Variants in NPHP4 observed in about 807,000 individuals in gnomAD.
NPHP4 encodes the protein nephrocystin-4.
Under a neutral mutation model 155.8 loss-of-function variants are expected in NPHP4, and 151 were observed. The ratio of observed to expected loss-of-function variants is 0.97; its 90% CI spans 0.85 to 1.11. The LOEUF (loss-of-function observed/expected upper bound fraction) is 1.11, where lower values mean the gene tolerates loss of function less well. Among genes scored for constraint, NPHP4 ranks in the 50% least tolerant of loss-of-function variants. The probability of loss-of-function intolerance (pLI) is 0.00; values close to 1 mark genes in which losing one functional copy is unlikely to be tolerated. For missense variants in NPHP4, 1,956 were observed against 1,925.7 expected (o/e 1.02, Z -0.29); for synonymous variants, 845 against 816.8 (o/e 1.03, Z -0.59).
rs1447107667 is a variant in NPHP4 at position 5,899,027 on chromosome 1, TCAC to T, written c.2143+5587_2143+5589del. Among the ~76,000 whole-genome samples the T allele has an allele frequency of 6.6e-5, 10 of 152,208 alleles. No individual in the cohort carries two copies. The South Asian group carries it at 1.7e-3, about 25-fold the overall frequency. ...TCAAAGAAACAAAGAAAACCAGCGA[TCAC>T]CACGTGACTGGCGAGGACATGGCGC... On this transcript the variant is annotated intron_variant, in intron 16 of 29. Coordinates refer to ENST00000378156, the MANE Select transcript of NPHP4 (RefSeq NM_015102.5).
intron 23 of NPHP4, among the ~76,000 whole-genome samples, chr1:5,872,844 G>A (rs969257438): frequency 5.9e-5 from 9 of 152,112 alleles, no homozygotes; most frequent in East Asian, 1.9e-4. Context: ...CTTACTATAC[G>A]GCCTTCGCTT....
intron 16 of NPHP4, among the ~76,000 whole-genome samples, chr1:5,903,459 C>T (rs1644769374): frequency 1.3e-5 from 2 of 152,112 alleles, no homozygotes; most frequent in African/African-American, 2.4e-5. Context: ...CCTCGAGAGG[C>T]GGCAGTGTTT....
At position 5,944,104 on chromosome 1, in the gene NPHP4, T is replaced by C. The variant is rs992632432; in HGVS notation, c.1119+3000A>G. Among the ~76,000 whole-genome samples the C allele has an allele frequency of 6.6e-6, 1 of 152,194 alleles. No individual in the cohort carries two copies. The highest frequency in any genetic ancestry group is 2.4e-5 in the African/African-American group (1 of 41,452). ...AATAAAATGATGCCTGGAATTTGTT[T>C]CAGAATAATTCAAAACGGGTTGTGG... On this transcript the variant is annotated intron_variant, in intron 9 of 29. Transcript: ENST00000378156. This position sits in a 1 kb window ranked among gnomAD's most constrained non-coding sequence, Gnocchi z 4.3.
rs1641379922 is a variant in NPHP4 at position 5,867,614 on chromosome 1, G to C, written c.3472+126C>G. 2.1e-6 allele frequency: 2 copies of C among 941,662 alleles called. No individual in the cohort carries two copies. The highest frequency in any genetic ancestry group is 3.2e-6 in the Non-Finnish European group (2 of 631,624). 58.3% of individuals were successfully genotyped at this position (941,662 alleles called of 1,614,324 possible). A position where few individuals can be genotyped will look rare whatever the true frequency, so the allele number is the denominator to read the frequency against. On this transcript the variant is annotated intron_variant, in intron 24 of 29. Transcript: ENST00000378156. The surrounding 1 kb of genome is among the most constrained non-coding windows in gnomAD (Gnocchi z 4.1). ...AAAGGCAGGAGAGAGAATTCCCCAG[G>C]CCCCACGTGCTGCTCTGACAGCACC...
At chr1:5,947,602 C>T (rs565539157) in intron 8 of NPHP4, among the ~76,000 whole-genome samples, 2 of 152,362 alleles carry the variant, frequency 1.3e-5, no homozygotes, top group South Asian at 4.1e-4. Flanking sequence ...GCTCCTTCCT[C>T]AAGGCTGGCC....
At chr1:5,945,535 G>A (rs758045727) in intron 9 of NPHP4, among the ~76,000 whole-genome samples, 2 of 152,130 alleles carry the variant, frequency 1.3e-5, no homozygotes, top group Admixed American at 6.5e-5. Flanking sequence ...ATGGACACTG[G>A]CAAGGTCAAC....
intron 16 of NPHP4, among the ~76,000 whole-genome samples, chr1:5,896,527 T>C (rs1163844309): frequency 6.6e-6 from 1 of 152,192 alleles, no homozygotes; most frequent in East Asian, 1.9e-4. Context: ...TATACGTTGT[T>C]AGGCAAGATA....
At chr1:5,908,227 CG>C (rs1403221008) in intron 12 of NPHP4, among the ~76,000 whole-genome samples, 1 of 152,200 alleles carries the variant, frequency 6.6e-6, no homozygotes, top group Non-Finnish European at 1.5e-5. Context: ...CGTGACCACT[CG>C]GGGTCACGTG....
chr1:5,868,507 C>T (rs1641512316), intron 23 of NPHP4: 1 of 231,630 alleles, frequency 4.3e-6, no homozygotes, highest in South Asian at 6.3e-5. Context: ...ACCACAGAGA[C>T]ATGCATACTC....
At chr1:5,873,963 A>G in intron 22 of NPHP4, 1 of 208,778 alleles carries the variant, frequency 4.8e-6, no homozygotes, top group South Asian at 7.0e-5. Context: ...CTGCACACAC[A>G]CCTCACATAT....
chr1:5,880,151 G>A lies in NPHP4; in HGVS notation c.2574C>T (p.Phe858=), dbSNP rs756412252. Residue 858 remains phenylalanine, a synonymous_variant, in exon 19 of 30, where the codon TTC becomes TTT. Transcript: ENST00000378156. ...CAGTCGTGAGGAGGCTGCCTCCAGA[G>A]AAGCGGCTGGCTCCATCGTTTGAGA... is the stretch of plus-strand genomic sequence containing the variant. ...RVISNDGASR[F]SGGSLLTTGS... 3 of 1,613,694 alleles carry A rather than the reference G, an allele frequency of 1.9e-6. No homozygotes were observed. Among genetic ancestry groups the A allele is most frequent in the East Asian group, 2.2e-5 (1 of 44,860 alleles).
chr1:5,932,649 CA>C (rs1646334249), intron 10 of NPHP4, among the ~76,000 whole-genome samples: 1 of 148,144 alleles, frequency 6.8e-6, no homozygotes, highest in Non-Finnish European at 1.5e-5. Context: ...GAGAACATTT[CA>C]TTTCAGAATT....
intron 9 of NPHP4, among the ~76,000 whole-genome samples, chr1:5,942,702 T>C (rs1646888630): frequency 2.0e-5 from 3 of 150,450 alleles, no homozygotes; most frequent in South Asian, 4.2e-4. Flanking sequence ...GGAAAGGCCA[T>C]CAGGGACACA....
chr1:5,938,886 G>C (rs1350396592), intron 9 of NPHP4, among the ~76,000 whole-genome samples: 1 of 152,228 alleles, frequency 6.6e-6, no homozygotes, highest in Non-Finnish European at 1.5e-5. Flanking sequence ...ACAACTGTTA[G>C]AGAACGATGT....
Position 5,964,917 on chromosome 1 carries a change from T to TATATA in NPHP4, c.517+2381_517+2382insTATAT, listed in dbSNP as rs1553194702. 2.4e-4 allele frequency among the ~76,000 whole-genome samples: 20 copies of TATATA among 82,630 alleles called. 1 individual carries two copies. Among genetic ancestry groups the TATATA allele is most frequent in the African/African-American group, 9.5e-4 (17 of 17,926 alleles). 54.2% of individuals were successfully genotyped at this position (82,630 alleles called of 152,430 possible). On this transcript the variant is annotated intron_variant, in intron 5 of 29. Coordinates refer to ENST00000378156, the MANE Select transcript of NPHP4 (RefSeq NM_015102.5). ...ATATAAAATATATAATACATATATA[T>TATATA]TATATATATATATATATATATATAT...
At chr1:5,926,747 T>C (rs527992958) in intron 11 of NPHP4, among the ~76,000 whole-genome samples, 117 of 152,330 alleles carry the variant, frequency 7.7e-4, no homozygotes, top group South Asian at 1.4e-3. Context: ...CTTGGGGCCA[T>C]AGCCGAGCAC....
In NPHP4 at chr1:5,978,433, T is replaced by C; in HGVS notation, c.136-20A>G. 6.3e-7 allele frequency: 1 copy of C among 1,593,188 alleles called. No individual in the cohort carries two copies. The highest frequency in any genetic ancestry group is 1.1e-5 in the South Asian group (1 of 88,038). On this transcript the variant is annotated intron_variant, in intron 2 of 29. Transcript: ENST00000378156. ...CACGCCCTAGGAGACAACGGGGAAT[T>C]GACCCTCAAGAGTCTGAGCACCATG...
chr1:5,914,916 A>G (rs1333208792), intron 11 of NPHP4, among the ~76,000 whole-genome samples: 1 of 150,876 alleles, frequency 6.6e-6, no homozygotes. Context: ...TGCCAGGTAG[A>G]CCTCCCCCCC....
intron 9 of NPHP4, among the ~76,000 whole-genome samples, chr1:5,942,500 C>T (rs754275288): frequency 7.8e-5 from 10 of 127,392 alleles, no homozygotes; most frequent in Non-Finnish European, 7.8e-5. Context: ...CACTGCACTC[C>T]AGCCTGGGCA....
Sources: gnomAD v4.1 joint callset for allele counts (sites outside exome capture counted in the v4.1 genomes callset) on GRCh38, gnomAD v4.1.1 for gene constraint, Gnocchi (gnomAD v3.1) non-coding constraint, MANE v1.5 for transcripts, NCBI Gene and HGNC (gene_info 2026-07-23, HGNC 2026-07-21) for gene names.